ACSM3: variants seen among roughly 807,000 people sequenced by gnomAD.
ACSM3 encodes the protein acyl-CoA synthetase medium chain family member 3.
In ACSM3, 61 loss-of-function variants were observed where a neutral mutation model predicts 74.1. That is an observed-to-expected ratio of 0.82 (90% CI 0.67 to 1.02). The LOEUF is 1.02. Ranked by LOEUF, ACSM3 falls within the 50% of genes least tolerant of loss-of-function variation. The pLI is 0.00. For synonymous variants in ACSM3, 213 were observed against 241.5 expected (o/e 0.88, Z 1.09); for missense variants, 660 against 697.0 (o/e 0.95, Z 0.60).
chr16:20,720,518 C>T (rs911867503), intron 1 of ACSM3, among the ~76,000 whole-genome samples: 1 of 152,216 alleles, frequency 6.6e-6, no homozygotes, highest in Non-Finnish European at 1.5e-5. Flanking sequence ...AAGCTTTGCA[C>T]ACTAGCCTTG....
intron 1 of ACSM3, chr16:20,681,539 CT>C (rs2079445839): frequency 6.6e-6 from 1 of 152,178 alleles, no homozygotes; most frequent in African/African-American, 2.4e-5. Flanking sequence ...CCTTTTACCC[CT>C]GTTTATTAGG....
At chr16:20,762,279 A>G (rs574740245), upstream of ACSM3, among the ~76,000 whole-genome samples, 1 of 152,182 alleles carries the variant, frequency 6.6e-6, no homozygotes, top group East Asian at 1.9e-4. Context: ...TAGAAAAAAA[A>G]ACACTGTTTT....
chr16:20,674,786 G>A (rs2020166100), exon 1 of ACSM3: 1 of 152,302 alleles, frequency 6.6e-6, no homozygotes, highest in South Asian at 2.1e-4. Flanking sequence ...AACCTGAGAT[G>A]GGGCTGCAGG....
intron 1 of ACSM3, among the ~76,000 whole-genome samples, chr16:20,739,968 C>T (rs943389559): frequency 2.6e-5 from 4 of 152,172 alleles, no homozygotes; most frequent in Non-Finnish European, 1.5e-5. Flanking sequence ...TTAGGGTGGA[C>T]CTTAACACGT....
chr16:20,694,462 T>A (rs1216550606), intron 1 of ACSM3, among the ~76,000 whole-genome samples: 3 of 152,200 alleles, frequency 2.0e-5, no homozygotes, highest in African/African-American at 7.2e-5. Context: ...TAGAAGCCCA[T>A]CACCTCTGTT....
intron 1 of ACSM3, among the ~76,000 whole-genome samples, chr16:20,722,923 G>T (rs1001107517): frequency 3.3e-5 from 5 of 151,980 alleles, no homozygotes; most frequent in African/African-American, 9.7e-5. Flanking sequence ...TAAGTTTTAG[G>T]GTACATGTGC....
chr16:20,754,854 G>A (rs1021928104), intron 2 of ACSM3, among the ~76,000 whole-genome samples: 1 of 152,294 alleles, frequency 6.6e-6, no homozygotes, highest in Middle Eastern at 3.4e-3. Flanking sequence ...AGGGAGAGCA[G>A]TACAAAGAAT....
rs141953925 is a variant in ACSM3, at chr16:20,764,319, C to G, written c.-52+194C>G. Among the ~76,000 whole-genome samples, 50 of 152,342 alleles carry G rather than the reference C, an allele frequency of 3.3e-4. 1 individual carries two copies. The East Asian group carries it at 9.4e-3, about 29-fold the overall frequency. On this transcript the variant is annotated intron_variant, in intron 1 of 13. Coordinates refer to ENST00000289416, the MANE Select transcript of ACSM3 (RefSeq NM_005622.4). The stretch of plus-strand genomic sequence containing the variant: ...TTAAGTGATGAGGAGTATGCACACA[C>G]AAAAGGCTATAAATGTAGCAGCTGA...
rs989615635 is a variant in ACSM3, at chr16:20,720,458, G to A, written c.-189-29452G>A. 1.5e-4 allele frequency among the ~76,000 whole-genome samples: 23 copies of A among 152,286 alleles called. No individual in the cohort carries two copies. In the South Asian group the frequency reaches 2.1e-3, roughly 14 times the overall value. The stretch of plus-strand genomic sequence containing the variant: ...TGCCACCACTGACCTGACAGGAGGC[G>A]GAGCTCAGGCCATAATGCAAGTGAT... On this transcript the variant is annotated intron_variant, in intron 1 of 3. Transcript: ENST00000561584.
chr16:20,691,250 G>T, intron 1 of ACSM3: 1 of 1,379,476 alleles, frequency 7.2e-7, no homozygotes, highest in Non-Finnish European at 9.7e-7. Context: ...CTTGGGAAGA[G>T]ATGGCTAATA....
At chr16:20,725,975 A>G (rs569310321) in intron 1 of ACSM3, among the ~76,000 whole-genome samples, 1 of 145,794 alleles carries the variant, frequency 6.9e-6, no homozygotes, top group Admixed American at 6.9e-5. Context: ...CTCCATTTCC[A>G]AAAAAAAAAA....
At chr16:20,689,009 T>C (rs1448306432) in intron 1 of ACSM3, among the ~76,000 whole-genome samples, 1 of 148,644 alleles carries the variant, frequency 6.7e-6, no homozygotes, top group Non-Finnish European at 1.5e-5. Flanking sequence ...TATATATTAA[T>C]ATATGTTAAC....
In ACSM3 at chr16:20,791,993, G is replaced by T; in HGVS notation, c.1327-9G>T. 1 of 1,612,634 alleles carries T rather than the reference G, an allele frequency of 6.2e-7. No homozygotes were observed. The highest frequency in any genetic ancestry group is 1.1e-5 in the South Asian group (1 of 90,938). On this transcript the variant is annotated splice_polypyrimidine_tract_variant and intron_variant, in intron 10 of 13. Transcript: ENST00000289416. ...TCACCATAACAACAAAATGCTATTT[G>T]TTTTGCAGGATAATCCTTCAAAAAC...
intron 9 of ACSM3, among the ~76,000 whole-genome samples, chr16:20,788,251 T>C (rs973437958): frequency 3.9e-5 from 6 of 152,240 alleles, no homozygotes; most frequent in African/African-American, 1.4e-4. Context: ...AGCACACTCA[T>C]GTCTGCATTA....
intron 1 of ACSM3, among the ~76,000 whole-genome samples, chr16:20,726,024 T>C (rs1023248004): frequency 6.0e-5 from 9 of 151,120 alleles, no homozygotes; most frequent in Admixed American, 2.0e-4. Context: ...GGGGGCAAAA[T>C]TGTCCCCTAG....
intron 1 of ACSM3, among the ~76,000 whole-genome samples, chr16:20,741,103 T>G (rs1428715697): frequency 6.6e-6 from 1 of 151,996 alleles, no homozygotes; most frequent in East Asian, 1.9e-4. Context: ...TTATCTACAA[T>G]TTACAAAACT....
intron 1 of ACSM3, among the ~76,000 whole-genome samples, chr16:20,694,943 AC>A (rs1356979057): frequency 6.6e-6 from 1 of 152,128 alleles, no homozygotes; most frequent in Non-Finnish European, 1.5e-5. Flanking sequence ...AGAGAAAACC[AC>A]CCTGATCTTG....
At chr16:20,710,786 T>C (rs566540308) in intron 1 of ACSM3, among the ~76,000 whole-genome samples, 141 of 152,150 alleles carry the variant, frequency 9.3e-4, no homozygotes, top group Admixed American at 2.7e-3. Flanking sequence ...ATTTAAGTGG[T>C]ACATAATAAT....
intron 1 of ACSM3, chr16:20,682,034 T>G: frequency 2.1e-6 from 1 of 480,428 alleles, no homozygotes; most frequent in South Asian, 2.5e-5. Context: ...CTCACTTCTG[T>G]AGTAAGCTTC....
Sources: allele counts gnomAD v4.1 joint callset (sites outside exome capture counted in the v4.1 genomes callset), GRCh38; gene constraint gnomAD v4.1.1; transcripts MANE v1.5; gene names NCBI Gene and HGNC (gene_info 2026-07-23, HGNC 2026-07-21).